The following INHBA variants were observed in gnomAD, a reference collection of about 807,000 sequenced individuals.
INHBA encodes the protein inhibin subunit beta A, also known as inhibin beta A chain.
In INHBA, 1 loss-of-function variant was observed where a neutral mutation model predicts 29.0. That is an observed-to-expected ratio of 0.03 (90% CI 0.01 to 0.16). The LOEUF (loss-of-function observed/expected upper bound fraction) is 0.16, where lower values mean the gene tolerates loss of function less well. Among genes scored for constraint, INHBA ranks in the 10% least tolerant of loss-of-function variants. INHBA has a pLI of 1.00. For synonymous variants in INHBA, 242 were observed against 216.8 expected, an observed-to-expected ratio of 1.12 and a Z score of -1.02; for missense variants, 376 against 545.4, an observed-to-expected ratio of 0.69 and a Z score of 3.09.
intron 2 of INHBA, chr7:41,692,627 T>G (rs1445577903): frequency 6.6e-6 from 1 of 152,244 alleles, no homozygotes; most frequent in Non-Finnish European, 1.5e-5. Context: ...GTAAGGGGAG[T>G]TCCTCTGACT....
chr7:41,699,548 A>AT (rs1384613714), intron 2 of INHBA, among the ~76,000 whole-genome samples: 1 of 152,072 alleles, frequency 6.6e-6, no homozygotes, highest in African/African-American at 2.4e-5. Flanking sequence ...ATCCTGGTAC[A>AT]TTCACCCCTC....
intron 2 of INHBA, among the ~76,000 whole-genome samples, chr7:41,698,399 G>A (rs1249230742): frequency 6.6e-6 from 1 of 152,104 alleles, no homozygotes; most frequent in Non-Finnish European, 1.5e-5. Flanking sequence ...AAGACAGGAA[G>A]CAACCCTCTA....
In INHBA at chr7:41,690,262, G is replaced by A. The variant is rs746811470; in HGVS notation, c.669C>T (p.Val223=). ...ARKSTWHVFP[V]SSSIQRLLDQ... ...CCAGCAACCGCTGGATGCTGCTGGA[G>A]ACAGGGAAGACATGCCAGGTGCTCT... Residue 223 remains valine, a synonymous_variant, in exon 3 of 3, where the codon GTC becomes GTT. Transcript: ENST00000242208. The A allele has an allele frequency of 6.2e-7, 1 of 1,614,052 alleles. No homozygotes were observed. The highest frequency in any genetic ancestry group is 8.5e-7 in the Non-Finnish European group (1 of 1,180,028).
chr7:41,703,574 A>C (rs1583603174), upstream of INHBA, among the ~76,000 whole-genome samples: 1 of 152,104 alleles, frequency 6.6e-6, no homozygotes, highest in East Asian at 1.9e-4. Context: ...TTCATTGAGG[A>C]AAAAAATTGG....
At chr7:41,702,450 A>G (rs1562572385) in intron 1 of INHBA, among the ~76,000 whole-genome samples, 3 of 152,106 alleles carry the variant, frequency 2.0e-5, no homozygotes, top group Non-Finnish European at 4.4e-5. Flanking sequence ...AAAGCCTCAT[A>G]TTTTTTACGG....
At chr7:41,704,489 C>T (rs553212486), upstream of INHBA, among the ~76,000 whole-genome samples, 12 of 152,274 alleles carry the variant, frequency 7.9e-5, no homozygotes, top group African/African-American at 2.9e-4. Flanking sequence ...AAGAAAGAAA[C>T]TTCTCCACCC....
At chr7:41,693,453 G>A (rs545655941) in intron 2 of INHBA, among the ~76,000 whole-genome samples, 10 of 152,322 alleles carry the variant, frequency 6.6e-5, no homozygotes, top group South Asian at 2.1e-4. Flanking sequence ...AGGGACAGCC[G>A]TGTGCAAATT....
chr7:41,696,139 C>G (rs928751181), intron 2 of INHBA, among the ~76,000 whole-genome samples: 3 of 152,162 alleles, frequency 2.0e-5, no homozygotes, highest in African/African-American at 7.2e-5. Flanking sequence ...CAGAAAGAAC[C>G]TTTTTCCTCC....
At position 41,685,952 on chromosome 7, in the gene INHBA, A is replaced by T. The variant is rs1226583697; in HGVS notation, c.*3698T>A. On this transcript the variant is annotated 3_prime_UTR_variant, in exon 3 of 3. Coordinates refer to ENST00000242208, the MANE Select transcript of INHBA (RefSeq NM_002192.4). ...GAAAAGAGAAGTTGCCAAAAGGTGC[A>T]CAGGAAATCATTTTTTTAAGTGAAT... The T allele has an allele frequency of 6.6e-6, 1 of 152,138 alleles. No homozygotes were observed. Among genetic ancestry groups the T allele is most frequent in the Non-Finnish European group, 1.5e-5 (1 of 68,000 alleles). The allele number at this position is 152,138 out of a possible 1,614,324, so 9.4% of individuals were successfully genotyped here. A position where few individuals can be genotyped will look rare whatever the true frequency, so the allele number is the denominator to read the frequency against.
chr7:41,702,450 A>AT (rs1378358558), intron 1 of INHBA, among the ~76,000 whole-genome samples: 1 of 152,106 alleles, frequency 6.6e-6, no homozygotes, highest in East Asian at 1.9e-4. Flanking sequence ...AAAGCCTCAT[A>AT]TTTTTTACGG....
intron 2 of INHBA, chr7:41,692,696 A>T (rs1794549916): frequency 6.6e-6 from 1 of 152,250 alleles, no homozygotes; most frequent in Non-Finnish European, 1.5e-5. Flanking sequence ...TTATGATTAG[A>T]TAGAATACCA....
At chr7:41,703,783 ACACACAC>A (rs1794849849), upstream of INHBA, among the ~76,000 whole-genome samples, 1 of 150,952 alleles carries the variant, frequency 6.6e-6, no homozygotes, top group African/African-American at 2.4e-5. Flanking sequence ...ACACACACAC[ACACACAC>A]ACAACAACAA....
In INHBA at chr7:41,690,400, C is replaced by T; in HGVS notation, c.531G>A (p.Gln177=). The change falls in exon 3 of 3, where the codon CAG becomes CAA. Residue 177 remains glutamine, a synonymous_variant. Coordinates refer to ENST00000242208, the MANE Select transcript of INHBA (RefSeq NM_002192.4). ...TRTKVTIRLF[Q]QQKHPQGSLD... ...AGCTGCCCTGCGGGTGCTTCTGCTG[C>T]TGGAAGAGGCGGATGGTGACTTTGG... 6.2e-7 allele frequency: 1 copy of T among 1,614,126 alleles called. No homozygotes were observed. Among genetic ancestry groups the T allele is most frequent in the Non-Finnish European group, 8.5e-7 (1 of 1,180,030 alleles).
chr7:41,700,941 T>C (rs1794777859), intron 1 of INHBA, among the ~76,000 whole-genome samples: 1 of 146,710 alleles, frequency 6.8e-6, no homozygotes, highest in South Asian at 2.2e-4. Flanking sequence ...AGTAGGGCTG[T>C]GATTAGGGAG....
In INHBA at chr7:41,690,495, C is replaced by T. The variant is rs979257752; in HGVS notation, c.436G>A (p.Asp146Asn). The change falls in exon 3 of 3, where the codon GAC (aspartate) becomes AAC (asparagine). Residue 146 changes from aspartate to asparagine, a missense_variant. Physicochemically the swap from Asp to Asn is conservative, Grantham distance 23 (BLOSUM62 1). Coordinates refer to ENST00000242208, the MANE Select transcript of INHBA (RefSeq NM_002192.4). ...TCTGCACGCTCCACCACTGACAGGT[C>T]ACTGCCTTCCTTGGAAATCTCGAAG... ...LHFEISKEGS[D>N]LSVVERAEVW... 3.1e-6 allele frequency: 5 copies of T among 1,611,802 alleles called. No homozygotes were observed. Among genetic ancestry groups the T allele is most frequent in the East Asian group, 2.2e-5 (1 of 44,846 alleles).
At chr7:41,696,379 C>T (rs1794648818) in intron 2 of INHBA, among the ~76,000 whole-genome samples, 1 of 152,146 alleles carries the variant, frequency 6.6e-6, no homozygotes, top group Non-Finnish European at 1.5e-5. Flanking sequence ...CATAGAGCTC[C>T]GGAATGTTCA....
At chr7:41,705,373 C>T (rs1265977974), upstream of INHBA, 2 of 152,270 alleles carry the variant, frequency 1.3e-5, no homozygotes, top group African/African-American at 2.4e-5. Context: ...GGAGCCAGGG[C>T]CAAGCCGGTC....
At position 41,686,172 on chromosome 7, in the gene INHBA, G is replaced by A. The variant is rs757742481; in HGVS notation, c.*3478C>T. ...TCTTAAATAAATATGAAATTGGTTG[G>A]TCTTCTGGGATAAGAAATTCCCAAC... is the stretch of plus-strand genomic sequence containing the variant. On this transcript the variant is annotated 3_prime_UTR_variant, in exon 3 of 3. Transcript: ENST00000242208. The A allele has an allele frequency of 5.3e-5, 8 of 152,084 alleles. No individual in the cohort carries two copies. Among genetic ancestry groups the A allele is most frequent in the Non-Finnish European group, 7.4e-5 (5 of 67,980 alleles). The allele number at this position is 152,084 out of a possible 1,614,324, so 9.4% of individuals were successfully genotyped here. A position where few individuals can be genotyped will look rare whatever the true frequency, so the allele number is the denominator to read the frequency against.
At position 41,700,434 on chromosome 7, in the gene INHBA, C is replaced by CA; in HGVS notation, c.-61dup. On this transcript the variant is annotated 5_prime_UTR_variant, in exon 2 of 3. Transcript: ENST00000242208. The stretch of plus-strand genomic sequence containing the variant: ...AAAGGCCCTGCTTTTCCTCCCCCCT[C>CA]ACGCGCAGGTTTTTTTGTGTGTGTG... 7.4e-7 allele frequency: 1 copy of CA among 1,345,580 alleles called. No homozygotes were observed. The highest frequency in any genetic ancestry group is 9.6e-7 in the Non-Finnish European group (1 of 1,039,620). The allele number at this position is 1,345,580 out of a possible 1,614,324, so 83.4% of individuals were successfully genotyped here.
Sources: allele counts gnomAD v4.1 joint callset (sites outside exome capture counted in the v4.1 genomes callset), GRCh38; gene constraint gnomAD v4.1.1; transcripts MANE v1.5; gene names NCBI Gene and HGNC (gene_info 2026-07-23, HGNC 2026-07-21).